The following SRFBP1 variants were observed in gnomAD, a reference collection of about 807,000 sequenced individuals.
SRFBP1 encodes serum response factor-binding protein 1.
Under a neutral mutation model 45.5 loss-of-function variants are expected in SRFBP1, and 47 were observed. The observed-to-expected ratio is 1.03, with a 90% CI of 0.82 to 1.32. SRFBP1 has a LOEUF of 1.32. Ranked by LOEUF, SRFBP1 falls within the 40% of genes most tolerant of loss-of-function variation. The probability of loss-of-function intolerance (pLI) is 0.00; values close to 1 mark genes in which losing one functional copy is unlikely to be tolerated. For missense variants in SRFBP1, 621 were observed against 484.6 expected (o/e 1.28, Z -2.64); for synonymous variants, 203 against 166.3 (o/e 1.22, Z -1.70).
chr5:121,979,432 G>C (rs1752363898), intron 3 of SRFBP1, among the ~76,000 whole-genome samples: 1 of 152,166 alleles, frequency 6.6e-6, no homozygotes, highest in South Asian at 2.1e-4. Flanking sequence ...TAGGGTAAAA[G>C]ATACCTTATT....
intron 1 of SRFBP1, among the ~76,000 whole-genome samples, chr5:121,965,639 G>T (rs1752047414): frequency 6.6e-6 from 1 of 152,136 alleles, no homozygotes; most frequent in South Asian, 2.1e-4. Flanking sequence ...CTCCAGCTTT[G>T]TCCCTTTTAC....
intron 2 of SRFBP1, among the ~76,000 whole-genome samples, chr5:122,038,440 G>A (rs1320739955): frequency 6.6e-6 from 1 of 152,132 alleles, no homozygotes; most frequent in Non-Finnish European, 1.5e-5. Flanking sequence ...TATAGCTCTA[G>A]GAAAAAAGAC....
intron 4 of SRFBP1, among the ~76,000 whole-genome samples, chr5:122,016,958 C>T (rs189844823): frequency 4.6e-5 from 7 of 152,218 alleles, no homozygotes; most frequent in African/African-American, 1.2e-4. Context: ...TGGCCAGGCG[C>T]GGTGGCTCAC....
intron 1 of SRFBP1, among the ~76,000 whole-genome samples, chr5:121,972,582 C>T (rs932519588): frequency 4.6e-5 from 7 of 151,912 alleles, no homozygotes; most frequent in Admixed American, 1.3e-4. Context: ...TTCAGGACTA[C>T]GGTTTCCTCA....
chr5:121,976,682 A>G (rs778221393), intron 3 of SRFBP1, among the ~76,000 whole-genome samples: 83 of 151,346 alleles, frequency 5.5e-4, no homozygotes, highest in Non-Finnish European at 1.1e-3. Context: ...TTGAGCTACT[A>G]TATAATTGCT....
chr5:122,017,079 A>C (rs923655055), intron 4 of SRFBP1, among the ~76,000 whole-genome samples: 3 of 152,010 alleles, frequency 2.0e-5, no homozygotes, highest in African/African-American at 7.2e-5. Context: ...AAATACAAAA[A>C]TCAGCTGAGC....
intron 2 of SRFBP1, among the ~76,000 whole-genome samples, chr5:122,048,568 TTA>T (rs1753907010): frequency 1.3e-5 from 2 of 152,308 alleles, no homozygotes; most frequent in Admixed American, 1.3e-4. Context: ...ATAAAATGAG[TTA>T]GGGAGGATTC....
At chr5:121,989,510 T>C (rs889810902) in intron 3 of SRFBP1, among the ~76,000 whole-genome samples, 2 of 152,238 alleles carry the variant, frequency 1.3e-5, no homozygotes, top group African/African-American at 4.8e-5. Flanking sequence ...TTAAGTGACA[T>C]TAACCACGAT....
intron 4 of SRFBP1, among the ~76,000 whole-genome samples, chr5:122,001,808 G>A (rs1005865425): frequency 1.3e-5 from 2 of 151,936 alleles, no homozygotes; most frequent in South Asian, 2.1e-4. Context: ...TGATCCACCC[G>A]CCTCGGCCTC....
intron 6 of SRFBP1, among the ~76,000 whole-genome samples, chr5:122,021,875 C>G (rs1198146120): frequency 1.3e-5 from 2 of 149,902 alleles, no homozygotes; most frequent in African/African-American, 4.9e-5. Context: ...GTTTTGTTTT[C>G]TAGTAGAGAC....
At chr5:121,964,615 C>A (rs1413839203) in intron 1 of SRFBP1, among the ~76,000 whole-genome samples, 1 of 152,100 alleles carries the variant, frequency 6.6e-6, no homozygotes, top group African/African-American at 2.4e-5. Flanking sequence ...TGGGTTGGTT[C>A]AAAGTCTTTG....
intron 4 of SRFBP1, among the ~76,000 whole-genome samples, chr5:122,017,689 TACTC>T (rs1753218204): frequency 6.6e-6 from 1 of 152,210 alleles, no homozygotes; most frequent in African/African-American, 2.4e-5. Context: ...TGAGTGACAT[TACTC>T]ACATAAATCC....
chr5:122,053,040 T>A (rs530522611), intron 2 of SRFBP1, among the ~76,000 whole-genome samples: 5 of 152,228 alleles, frequency 3.3e-5, no homozygotes, highest in Admixed American at 1.3e-4. Flanking sequence ...GCTGTCTCCA[T>A]GCCCATGTTT....
intron 2 of SRFBP1, chr5:122,070,019 AC>A: frequency 7.0e-7 from 1 of 1,436,374 alleles, no homozygotes; most frequent in Admixed American, 1.7e-5. Flanking sequence ...ATTATTTGTG[AC>A]AACAATTACT....
intron 4 of SRFBP1, among the ~76,000 whole-genome samples, chr5:122,005,342 T>C (rs1472603066): frequency 6.6e-6 from 1 of 152,196 alleles, no homozygotes; most frequent in African/African-American, 2.4e-5. Flanking sequence ...TGGATGCTTA[T>C]ATATTTACAA....
chr5:122,020,526 G>T lies in SRFBP1; in HGVS notation c.791G>T (p.Ser264Ile), dbSNP rs1753290099. The change falls in exon 6 of 8, where the codon AGC becomes ATC. Residue 264 changes from serine to isoleucine, a missense_variant. Ser to Ile is a moderately radical substitution (Grantham distance 142, BLOSUM62 -2). Transcript: ENST00000339397. ...CEEEKEYFDD[S>I]TEERFYKQSS... ...GAGGAGAAGGAATATTTTGATGATA[G>T]CACAGAAGAAAGGTTTTACAAGCAG... The T allele has an allele frequency of 6.2e-7, 1 of 1,614,056 alleles. No individual in the cohort carries two copies. Among genetic ancestry groups the T allele is most frequent in the Non-Finnish European group, 8.5e-7 (1 of 1,180,022 alleles).
chr5:122,054,676 A>C lies in SRFBP1; in HGVS notation n.312-20639A>C, dbSNP rs77272333. On this transcript the variant is annotated intron_variant and non_coding_transcript_variant, in intron 2 of 2. Coordinates refer to the SRFBP1 transcript ENST00000504881. ...GCCTTTTCTGAGTAATGATTAAATT[A>C]ATATATTTATCTTTCTCTCAGCTTC... Among the ~76,000 whole-genome samples the C allele has an allele frequency of 8.5e-3, 1,287 of 152,284 alleles. 7 individuals are homozygous for C. Among genetic ancestry groups the C allele is most frequent in the South Asian group, 0.014 (67 of 4,826 alleles).
intron 1 of SRFBP1, 92 bp from the exon 2 acceptor site, chr5:121,974,104 T>A: frequency 1.3e-6 from 1 of 797,130 alleles, no homozygotes; most frequent in Non-Finnish European, 2.1e-6. Context: ...GTTAAAGTGG[T>A]AGACTAAGTC....
downstream of SRFBP1, among the ~76,000 whole-genome samples, chr5:122,029,624 CT>C (rs1753558785): frequency 6.6e-6 from 1 of 152,154 alleles, no homozygotes; most frequent in African/African-American, 2.4e-5. Flanking sequence ...CCACTGAGCT[CT>C]TTTGGGGTTC....
Sources: allele counts gnomAD v4.1 joint callset (sites outside exome capture counted in the v4.1 genomes callset), GRCh38; gene constraint gnomAD v4.1.1; transcripts MANE v1.5; gene names NCBI Gene and HGNC (gene_info 2026-07-23, HGNC 2026-07-21).